SLC41A2: variants seen among roughly 807,000 people sequenced by gnomAD.
The protein encoded by SLC41A2 is solute carrier family 41 member 2, also known as SLC41A1-like 1.
Under a neutral mutation model 58.3 loss-of-function variants are expected in SLC41A2, and 32 were observed. The observed-to-expected ratio is 0.55, with a 90% CI of 0.41 to 0.74. The LOEUF is 0.74. Among genes scored for constraint, SLC41A2 ranks in the 30% least tolerant of loss-of-function variants. The probability of loss-of-function intolerance (pLI) is 0.00; values close to 1 mark genes in which losing one functional copy is unlikely to be tolerated. For missense variants in SLC41A2, 514 were observed against 680.6 expected (o/e 0.76, Z 2.72); for synonymous variants, 190 against 235.0 (o/e 0.81, Z 1.75).
intron 2 of SLC41A2, among the ~76,000 whole-genome samples, chr12:104,921,152 C>T (rs991144535): frequency 5.3e-5 from 8 of 151,720 alleles, no homozygotes; most frequent in African/African-American, 9.7e-5. Context: ...CCTTGAAAGA[C>T]GAAATCTAAT....
intron 8 of SLC41A2, among the ~76,000 whole-genome samples, chr12:104,852,449 T>C (rs2042836898): frequency 6.6e-6 from 1 of 152,196 alleles, no homozygotes; most frequent in Non-Finnish European, 1.5e-5. Context: ...CTACTGATGA[T>C]TAATTGTAGC....
chr12:104,819,869 T>C (rs939326017), intron 10 of SLC41A2, among the ~76,000 whole-genome samples: 2 of 152,184 alleles, frequency 1.3e-5, no homozygotes, highest in Admixed American at 1.3e-4. Flanking sequence ...GTGGAGTCTT[T>C]AGTAGGTATG....
intron 2 of SLC41A2, among the ~76,000 whole-genome samples, chr12:104,910,546 T>A (rs1230960704): frequency 6.6e-6 from 1 of 152,116 alleles, no homozygotes; most frequent in Non-Finnish European, 1.5e-5. Flanking sequence ...TAGACCCCCT[T>A]CTCAGCCAAG....
At chr12:104,870,275 G>A (rs181221471) in intron 6 of SLC41A2, among the ~76,000 whole-genome samples, 34 of 152,278 alleles carry the variant, frequency 2.2e-4, no homozygotes, top group African/African-American at 7.5e-4. Flanking sequence ...GCAGGCAGCT[G>A]CCAGAAGATG....
intron 1 of SLC41A2, among the ~76,000 whole-genome samples, chr12:104,932,624 CAAAAAAAAAAAAAA>C (rs544329617): frequency 2.2e-5 from 1 of 46,068 alleles, no homozygotes; most frequent in Non-Finnish European, 4.2e-5. Context: ...GACTTTGTCT[CAAAAAAAAAAAAAA>C]AAAAAAAAGA....
At chr12:104,951,765 T>A (rs2047967249) in intron 1 of SLC41A2, among the ~76,000 whole-genome samples, 1 of 151,052 alleles carries the variant, frequency 6.6e-6, no homozygotes, top group Admixed American at 6.6e-5. Context: ...TCCATTTAGG[T>A]TGGTGCAAAA....
At chr12:104,847,596 T>G (rs1435308243) in intron 8 of SLC41A2, among the ~76,000 whole-genome samples, 1 of 114,490 alleles carries the variant, frequency 8.7e-6, no homozygotes, top group African/African-American at 3.6e-5. Context: ...AGAGTGAGAC[T>G]CTGTCTCAAA....
chr12:104,888,368 A>C (rs1256160964), intron 5 of SLC41A2, among the ~76,000 whole-genome samples: 2 of 151,872 alleles, frequency 1.3e-5, no homozygotes, highest in Non-Finnish European at 2.9e-5. Flanking sequence ...TGGTGATATA[A>C]GGGCAAGAAA....
intron 2 of SLC41A2, 114 bp from the exon 3 acceptor site, chr12:104,909,876 T>C: frequency 1.6e-6 from 1 of 643,940 alleles, no homozygotes; most frequent in Non-Finnish European, 2.6e-6. Flanking sequence ...ACATTTTGAA[T>C]AACCACACAG....
intron 10 of SLC41A2, among the ~76,000 whole-genome samples, chr12:104,823,659 A>C (rs1463314357): frequency 6.6e-6 from 1 of 152,268 alleles, no homozygotes; most frequent in East Asian, 1.9e-4. Context: ...ATAAAAGCTA[A>C]AACTAGAAAA....
chr12:104,913,024 C>G (rs2046153884), intron 2 of SLC41A2, among the ~76,000 whole-genome samples: 1 of 152,150 alleles, frequency 6.6e-6, no homozygotes, highest in Non-Finnish European at 1.5e-5. Context: ...CTATAGGTTA[C>G]TCCCTTTGGT....
chr12:104,938,332 C>T (rs890788107), intron 1 of SLC41A2, among the ~76,000 whole-genome samples: 5 of 152,202 alleles, frequency 3.3e-5, no homozygotes, highest in Non-Finnish European at 7.3e-5. Context: ...ATATACAAGA[C>T]TGCTTCGATG....
At chr12:104,819,222 G>C (rs2468099) in intron 10 of SLC41A2, among the ~76,000 whole-genome samples, 113,451 of 152,032 alleles carry the variant, frequency 0.75, 42,941 homozygotes, top group African/African-American at 0.88. Context: ...GTAACAGATA[G>C]CAAAAAAACC....
At chr12:104,863,171 C>T (rs2136432630) in intron 7 of SLC41A2, among the ~76,000 whole-genome samples, 1 of 152,346 alleles carries the variant, frequency 6.6e-6, no homozygotes, top group Middle Eastern at 3.4e-3. Context: ...AGCATGGTGG[C>T]TCATGCCTAT....
chr12:104,861,883 T>A (rs1652384029), intron 7 of SLC41A2, among the ~76,000 whole-genome samples: 1 of 152,246 alleles, frequency 6.6e-6, no homozygotes, highest in Non-Finnish European at 1.5e-5. Context: ...TGTGTCTTAT[T>A]ACTGGCAAAT....
intron 10 of SLC41A2, among the ~76,000 whole-genome samples, chr12:104,844,137 C>A (rs758824531): frequency 6.6e-6 from 1 of 151,864 alleles, no homozygotes; most frequent in Non-Finnish European, 1.5e-5. Context: ...AAAACTAGAA[C>A]CATTGGTAAA....
chr12:104,866,729 T>A, intron 6 of SLC41A2, 150 bp from the exon 7 acceptor site: 1 of 570,908 alleles, frequency 1.8e-6, no homozygotes, highest in Admixed American at 3.5e-5. Flanking sequence ...AACAAATTTA[T>A]AACTGTAAAT....
chr12:104,881,238 C>A (rs984563766), intron 6 of SLC41A2, among the ~76,000 whole-genome samples: 1 of 152,072 alleles, frequency 6.6e-6, no homozygotes, highest in Admixed American at 6.5e-5. Flanking sequence ...AGCGGTCTAT[C>A]AATTTTGTTG....
At chr12:104,892,663 A>C (rs1482093643) in intron 4 of SLC41A2, among the ~76,000 whole-genome samples, 1 of 152,190 alleles carries the variant, frequency 6.6e-6, no homozygotes, top group East Asian at 1.9e-4. Flanking sequence ...ACAGACACAA[A>C]CCAATGGAAG....
Sources: gnomAD v4.1 joint callset for allele counts (sites outside exome capture counted in the v4.1 genomes callset) on GRCh38, gnomAD v4.1.1 for gene constraint, MANE v1.5 for transcripts, NCBI Gene and HGNC (gene_info 2026-07-23, HGNC 2026-07-21) for gene names.